SGCD: variants seen among roughly 807,000 people sequenced by gnomAD.
The protein encoded by SGCD is sarcoglycan delta.
A neutral mutation model predicts 36.6 loss-of-function variants in SGCD; 18 were observed. The ratio of observed to expected loss-of-function variants is 0.49; its 90% CI spans 0.34 to 0.73. The LOEUF (loss-of-function observed/expected upper bound fraction) is 0.73, where lower values mean the gene tolerates loss of function less well. SGCD is among the 30% of genes least tolerant of loss of function. The probability of loss-of-function intolerance (pLI) is 0.01; values close to 1 mark genes in which losing one functional copy is unlikely to be tolerated. For missense variants in SGCD, 387 were observed against 346.7 expected, an observed-to-expected ratio of 1.12 and a Z score of -0.92; for synonymous variants, 133 against 130.6, an observed-to-expected ratio of 1.02 and a Z score of -0.12.
intron 1 of SGCD, among the ~76,000 whole-genome samples, chr5:156,008,623 G>C (rs1758798911): frequency 1.3e-5 from 2 of 152,108 alleles, no homozygotes; most frequent in Admixed American, 1.3e-4. Context: ...CAGTTCTCCG[G>C]CCTCAGCCTC....
intron 3 of SGCD, among the ~76,000 whole-genome samples, chr5:156,347,599 T>C (rs1434450087): frequency 1.3e-5 from 2 of 152,192 alleles, no homozygotes; most frequent in African/African-American, 4.8e-5. Flanking sequence ...CTAGTACTCA[T>C]GTATACCTTT....
intron 1 of SGCD, among the ~76,000 whole-genome samples, chr5:156,000,530 C>G (rs1228489705): frequency 6.6e-6 from 1 of 152,026 alleles, no homozygotes; most frequent in Non-Finnish European, 1.5e-5. Flanking sequence ...TCAAATAAAC[C>G]CATATATGAA....
intron 7 of SGCD, among the ~76,000 whole-genome samples, chr5:156,681,255 T>G (rs1561854563): frequency 6.6e-6 from 1 of 152,112 alleles, no homozygotes; most frequent in Non-Finnish European, 1.5e-5. Flanking sequence ...GCAGAAAGGC[T>G]GGAAAGGGGA....
At chr5:156,750,282 AAATTTCCTCTTTAAGGTG>A (rs1158096789) in intron 7 of SGCD, among the ~76,000 whole-genome samples, 1 of 152,180 alleles carries the variant, frequency 6.6e-6, no homozygotes, top group Non-Finnish European at 1.5e-5. Context: ...AATTGTTGAA[AAATTTCCTCTTTAAGGTG>A]AGGAAGAAGC....
intron 1 of SGCD, among the ~76,000 whole-genome samples, chr5:155,964,092 C>T (rs1224639771): frequency 6.6e-6 from 1 of 152,058 alleles, no homozygotes; most frequent in East Asian, 1.9e-4. Context: ...ATCTGTTTTG[C>T]TTTTCCATGA....
At chr5:156,750,694 A>C (rs1048428378) in intron 7 of SGCD, among the ~76,000 whole-genome samples, 3 of 151,992 alleles carry the variant, frequency 2.0e-5, no homozygotes, top group Non-Finnish European at 2.9e-5. Context: ...AATTAACATA[A>C]TTTATAGTTG....
intron 7 of SGCD, among the ~76,000 whole-genome samples, chr5:156,669,321 T>G (rs1430070758): frequency 1.3e-5 from 2 of 152,154 alleles, no homozygotes; most frequent in East Asian, 1.9e-4. Flanking sequence ...TTTCCTGGAA[T>G]CTGAATTTTC....
chr5:155,993,867 T>TC (rs1758485838), intron 1 of SGCD, among the ~76,000 whole-genome samples: 1 of 152,168 alleles, frequency 6.6e-6, no homozygotes, highest in Non-Finnish European at 1.5e-5. Flanking sequence ...CACAGATGTC[T>TC]CACAGCATCA....
intron 4 of SGCD, among the ~76,000 whole-genome samples, chr5:156,522,289 C>T (rs559515215): frequency 2.0e-5 from 3 of 151,982 alleles, no homozygotes; most frequent in Non-Finnish European, 4.4e-5. Context: ...ACATGTATAC[C>T]TATGTATCAA....
chr5:155,969,119 A>ACAT (rs1315299449), intron 1 of SGCD, among the ~76,000 whole-genome samples: 2 of 152,104 alleles, frequency 1.3e-5, no homozygotes, highest in African/African-American at 4.8e-5. Flanking sequence ...ATTGCTGTGA[A>ACAT]CATCTGTATG....
At chr5:155,921,816 A>T (rs1392705364) in intron 1 of SGCD, among the ~76,000 whole-genome samples, 1 of 152,236 alleles carries the variant, frequency 6.6e-6, no homozygotes, top group Non-Finnish European at 1.5e-5. Flanking sequence ...GGCCATCAGA[A>T]AATACTTGCC....
At chr5:155,937,330 C>G (rs988084674) in intron 1 of SGCD, among the ~76,000 whole-genome samples, 4 of 152,208 alleles carry the variant, frequency 2.6e-5, no homozygotes, top group Non-Finnish European at 5.9e-5. Context: ...CCATCAAGGT[C>G]ACATATTGAA....
At chr5:156,305,210 A>T (rs1276241506) in intron 3 of SGCD, among the ~76,000 whole-genome samples, 2 of 152,192 alleles carry the variant, frequency 1.3e-5, no homozygotes, top group Non-Finnish European at 2.9e-5. Context: ...TCTTCAAGGC[A>T]TTCCCTCCCA....
At chr5:156,671,496 A>G (rs1199562326) in intron 7 of SGCD, among the ~76,000 whole-genome samples, 1 of 151,960 alleles carries the variant, frequency 6.6e-6, no homozygotes, top group Non-Finnish European at 1.5e-5. Context: ...CTGGTCTCGA[A>G]CTCTGGACCT....
chr5:156,236,844 T>C (rs1338261204), intron 3 of SGCD, among the ~76,000 whole-genome samples: 16 of 151,938 alleles, frequency 1.1e-4, no homozygotes, highest in Non-Finnish European at 1.6e-4. Flanking sequence ...CAGATTTTTT[T>C]TTTTTTTTTA....
At chr5:155,908,901 A>G (rs1006945481) in intron 1 of SGCD, among the ~76,000 whole-genome samples, 1 of 152,156 alleles carries the variant, frequency 6.6e-6, no homozygotes, top group East Asian at 1.9e-4. Flanking sequence ...GTAGGTGCTC[A>G]ATGAATACTT....
At chr5:156,103,881 G>C (rs1761581359) in intron 1 of SGCD, among the ~76,000 whole-genome samples, 1 of 152,036 alleles carries the variant, frequency 6.6e-6, no homozygotes. Context: ...GCAGAATTTT[G>C]CTTTTCATTA....
intron 3 of SGCD, among the ~76,000 whole-genome samples, chr5:156,293,102 T>C (rs1321099058): frequency 6.6e-6 from 1 of 151,900 alleles, no homozygotes; most frequent in East Asian, 1.9e-4. Context: ...TTATGTTGCA[T>C]AGGCTGAAGT....
chr5:155,889,061 G>C (rs1469372882), intron 1 of SGCD, among the ~76,000 whole-genome samples: 2 of 152,112 alleles, frequency 1.3e-5, no homozygotes, highest in Non-Finnish European at 2.9e-5. Context: ...CAATTCAAAT[G>C]GTGTATTATT....
Sources: gnomAD v4.1 joint callset for allele counts (sites outside exome capture counted in the v4.1 genomes callset) on GRCh38, gnomAD v4.1.1 for gene constraint, MANE v1.5 for transcripts, NCBI Gene and HGNC (gene_info 2026-07-23, HGNC 2026-07-21) for gene names.